RETREG1: variants seen among roughly 807,000 people sequenced by gnomAD.
RETREG1 encodes reticulophagy regulator 1, also known as family with sequence similarity 134 member B.
In RETREG1, 44 loss-of-function variants were observed where a neutral mutation model predicts 54.8. The ratio of observed to expected loss-of-function variants is 0.80; its 90% CI spans 0.63 to 1.03. The LOEUF (loss-of-function observed/expected upper bound fraction) is 1.03, where lower values mean the gene tolerates loss of function less well. RETREG1 is among the 50% of genes least tolerant of loss of function. The probability of loss-of-function intolerance (pLI) is 0.00; values close to 1 mark genes in which losing one functional copy is unlikely to be tolerated. For synonymous variants in RETREG1, 217 were observed against 238.5 expected (o/e 0.91, Z 0.83); for missense variants, 554 against 605.1 (o/e 0.92, Z 0.89).
At chr5:16,495,174 G>A (rs1005196116) in intron 3 of RETREG1, among the ~76,000 whole-genome samples, 2 of 152,120 alleles carry the variant, frequency 1.3e-5, no homozygotes, top group Non-Finnish European at 2.9e-5. Flanking sequence ...AAAAACCTAT[G>A]CTTATATGTG....
chr5:16,559,488 T>C (rs1199769297), intron 3 of RETREG1, among the ~76,000 whole-genome samples: 2 of 152,198 alleles, frequency 1.3e-5, no homozygotes, highest in African/African-American at 4.8e-5. Flanking sequence ...TCTGGATTCC[T>C]GGAATATCTA....
At chr5:16,499,581 C>T (rs566835613) in intron 3 of RETREG1, among the ~76,000 whole-genome samples, 6 of 152,300 alleles carry the variant, frequency 3.9e-5, no homozygotes, top group Non-Finnish European at 7.3e-5. Flanking sequence ...TATCACCAGG[C>T]GATGTCACTT....
chr5:16,529,643 G>A (rs547970704), intron 3 of RETREG1, among the ~76,000 whole-genome samples: 29 of 152,000 alleles, frequency 1.9e-4, no homozygotes, highest in East Asian at 7.7e-4. Flanking sequence ...AAGACACACC[G>A]GGGTGACTTT....
chr5:16,548,939 A>G (rs1429441796), intron 3 of RETREG1, among the ~76,000 whole-genome samples: 1 of 152,256 alleles, frequency 6.6e-6, no homozygotes, highest in East Asian at 1.9e-4. Flanking sequence ...AGAGAATCCC[A>G]GGCCAAGAGG....
At chr5:16,545,617 C>A (rs1317969271) in intron 3 of RETREG1, among the ~76,000 whole-genome samples, 1 of 152,166 alleles carries the variant, frequency 6.6e-6, no homozygotes. Flanking sequence ...CTCCCCTTCC[C>A]TGGGTGCCCC....
chr5:16,502,113 C>A (rs963532288), intron 3 of RETREG1, among the ~76,000 whole-genome samples: 1 of 151,982 alleles, frequency 6.6e-6, no homozygotes, highest in African/African-American at 2.4e-5. Context: ...CCCGCCACCA[C>A]GCCTGGCTCA....
At chr5:16,610,019 C>A (rs996230919) in intron 1 of RETREG1, among the ~76,000 whole-genome samples, 2 of 152,086 alleles carry the variant, frequency 1.3e-5, no homozygotes, top group African/African-American at 4.8e-5. Flanking sequence ...GTGGAGGAGG[C>A]CCATGATTTT....
intron 3 of RETREG1, among the ~76,000 whole-genome samples, chr5:16,530,188 T>C (rs1740870704): frequency 6.6e-6 from 1 of 152,230 alleles, no homozygotes; most frequent in Non-Finnish European, 1.5e-5. Context: ...CACTTCTCCA[T>C]GTGATTGTAA....
chr5:16,482,187 T>C (rs1738802352), intron 4 of RETREG1, among the ~76,000 whole-genome samples: 1 of 151,972 alleles, frequency 6.6e-6, no homozygotes, highest in Non-Finnish European at 1.5e-5. Context: ...TGGAATTCTA[T>C]AAATGAAATG....
intron 3 of RETREG1, among the ~76,000 whole-genome samples, chr5:16,533,950 G>A (rs1740985110): frequency 6.6e-6 from 1 of 152,138 alleles, no homozygotes; most frequent in Non-Finnish European, 1.5e-5. Context: ...GCAAAGTCTG[G>A]TGAGAATGCA....
intron 3 of RETREG1, among the ~76,000 whole-genome samples, chr5:16,551,211 T>G (rs1389003583): frequency 1.3e-5 from 2 of 152,156 alleles, no homozygotes; most frequent in Non-Finnish European, 2.9e-5. Context: ...CCTACCTCCA[T>G]TTTCTCAGCC....
chr5:16,528,481 A>C (rs1252044019), intron 3 of RETREG1, among the ~76,000 whole-genome samples: 1 of 152,090 alleles, frequency 6.6e-6, no homozygotes, highest in Admixed American at 6.6e-5. Flanking sequence ...CCTGCCTGGG[A>C]CAGGAGTCAG....
At chr5:16,508,674 G>A in intron 3 of RETREG1, 2 of 1,612,272 alleles carry the variant, frequency 1.2e-6, no homozygotes, top group South Asian at 1.1e-5. Context: ...CACGGCTAAT[G>A]TGGCCAAACA....
intron 3 of RETREG1, among the ~76,000 whole-genome samples, chr5:16,484,091 A>T (rs912482243): frequency 6.6e-6 from 1 of 152,176 alleles, no homozygotes; most frequent in African/African-American, 2.4e-5. Flanking sequence ...GAAAATTGTT[A>T]AAAAGATCTT....
chr5:16,492,600 A>G (rs1276264924), intron 3 of RETREG1, among the ~76,000 whole-genome samples: 1 of 152,184 alleles, frequency 6.6e-6, no homozygotes, highest in Non-Finnish European at 1.5e-5. Context: ...TAAGGGTCTC[A>G]TGCTCTCTAC....
At chr5:16,507,286 C>T (rs751678548) in intron 3 of RETREG1, among the ~76,000 whole-genome samples, 16 of 152,108 alleles carry the variant, frequency 1.1e-4, no homozygotes, top group Non-Finnish European at 1.6e-4. Context: ...ATTAAAAATG[C>T]CTGTTCTGTG....
At chr5:16,527,051 C>A (rs1055341380) in intron 3 of RETREG1, among the ~76,000 whole-genome samples, 10 of 152,236 alleles carry the variant, frequency 6.6e-5, no homozygotes, top group Non-Finnish European at 1.2e-4. Context: ...CTTTGTTGCG[C>A]CTGCATCACA....
At chr5:16,606,666 C>T (rs371942816) in intron 1 of RETREG1, among the ~76,000 whole-genome samples, 105 of 152,262 alleles carry the variant, frequency 6.9e-4, no homozygotes, top group African/African-American at 2.4e-3. Flanking sequence ...CCCCTACCCA[C>T]CAAATCATTC....
At position 16,477,650 on chromosome 5, in the gene RETREG1, A is replaced by G. The variant is rs1738593048; in HGVS notation, c.1000+12T>C. The G allele has an allele frequency of 6.2e-7, 1 of 1,612,288 alleles. No individual in the cohort carries two copies. The highest frequency in any genetic ancestry group is 1.3e-5 in the African/African-American group (1 of 74,848). On this transcript the variant is annotated intron_variant, in intron 8 of 8. Transcript: ENST00000306320. ...CTCATAAAAATAAATGTCTCCAGAAATATTAGCATACCATCAGAAGTGTCT... is the reference window on the plus strand; with the variant it reads ...CTCATAAAAATAAATGTCTCCAGAAGTATTAGCATACCATCAGAAGTGTCT...
Sources: allele counts gnomAD v4.1 joint callset (sites outside exome capture counted in the v4.1 genomes callset), GRCh38; gene constraint gnomAD v4.1.1; transcripts MANE v1.5; gene names NCBI Gene and HGNC (gene_info 2026-07-23, HGNC 2026-07-21).